The following RNF2 variants were observed in gnomAD, a reference collection of about 807,000 sequenced individuals.
The protein encoded by RNF2 is E3 ubiquitin-protein ligase RING2.
In RNF2, 6 loss-of-function variants were observed where a neutral mutation model predicts 37.2. That is an observed-to-expected ratio of 0.16 (90% CI 0.09 to 0.32). The LOEUF (loss-of-function observed/expected upper bound fraction) is 0.32. RNF2 is among the 10% of genes least tolerant of loss of function. RNF2 has a pLI of 1.00. For synonymous variants in RNF2, 133 were observed against 132.7 expected, an observed-to-expected ratio of 1.00 and a Z score of -0.02; for missense variants, 251 against 404.0, an observed-to-expected ratio of 0.62 and a Z score of 3.25.
intron 1 of RNF2, among the ~76,000 whole-genome samples, chr1:185,063,030 T>C (rs1650659676): frequency 6.6e-6 from 1 of 152,228 alleles, no homozygotes; most frequent in Non-Finnish European, 1.5e-5. Flanking sequence ...TACTTGCCCT[T>C]TGATCCAGTA....
intron 1 of RNF2, among the ~76,000 whole-genome samples, chr1:185,076,187 G>A (rs1283307511): frequency 1.2e-4 from 17 of 147,792 alleles, no homozygotes; most frequent in African/African-American, 3.0e-4. Flanking sequence ...TTTGTGAGGC[G>A]AAATATGAAC....
At position 185,087,418 on chromosome 1, in the gene RNF2, A is replaced by G. The variant is rs535755130; in HGVS notation, c.-2-134A>G. 3.6e-3 allele frequency: 2,518 copies of G among 694,338 alleles called. 15 individuals carry two copies. The highest frequency in any genetic ancestry group is 3.6e-3 in the Non-Finnish European group (1,427 of 397,382). 43.0% of individuals were successfully genotyped at this position (694,338 alleles called of 1,614,324 possible). A position where few individuals can be genotyped will look rare whatever the true frequency, so the allele number is the denominator to read the frequency against. On this transcript the variant is annotated intron_variant, in intron 1 of 6. Coordinates refer to ENST00000367510, the MANE Select transcript of RNF2 (RefSeq NM_007212.4). ...AGCCCTCATAACCTGATCACCTCCC[A>G]AAGTCCCCACCTCTTAATATTACTT...
At chr1:185,056,128 T>C (rs1049557826) in intron 1 of RNF2, among the ~76,000 whole-genome samples, 1 of 152,238 alleles carries the variant, frequency 6.6e-6, no homozygotes, top group Admixed American at 6.5e-5. Flanking sequence ...TTTGTTAGTC[T>C]TCTGAAATAT....
chr1:185,065,146 G>GGATTGTAAATTTACCA (rs951967266), intron 1 of RNF2, among the ~76,000 whole-genome samples: 1 of 152,066 alleles, frequency 6.6e-6, no homozygotes, highest in African/African-American at 2.4e-5. Context: ...TCTAGCTAAA[G>GGATTGTAAATTTACCA]GATTGTAAAT....
intron 1 of RNF2, among the ~76,000 whole-genome samples, chr1:185,079,081 T>TTC: frequency 6.7e-6 from 1 of 149,516 alleles, no homozygotes; most frequent in East Asian, 1.9e-4. Flanking sequence ...GATCTTTTCT[T>TTC]TTTTTTTTTT....
At chr1:185,079,236 T>C (rs1043882346) in intron 1 of RNF2, among the ~76,000 whole-genome samples, 1 of 152,200 alleles carries the variant, frequency 6.6e-6, no homozygotes, top group Admixed American at 6.5e-5. Flanking sequence ...TATCTTTTTT[T>C]CAGAAGTATA....
At chr1:185,085,714 C>T (rs754554977) in intron 1 of RNF2, among the ~76,000 whole-genome samples, 4 of 151,686 alleles carry the variant, frequency 2.6e-5, no homozygotes, top group Non-Finnish European at 4.4e-5. Flanking sequence ...AGTGCAATGG[C>T]GCGATCTCAG....
intron 1 of RNF2, among the ~76,000 whole-genome samples, chr1:185,070,621 C>T (rs1051023068): frequency 2.0e-5 from 3 of 150,674 alleles, no homozygotes; most frequent in South Asian, 4.2e-4. Context: ...CTTCTGTAGA[C>T]TGCAGTATTT....
chr1:185,087,645 T>C lies in RNF2; in HGVS notation c.87+5T>C. ...GAGTTACAACGAACACCTCAGGTAA[T>C]GACTAAGATGACTGCCAAGGGGCAT... On this transcript the variant is annotated splice_donor_5th_base_variant and intron_variant, in intron 2 of 6. Coordinates refer to ENST00000367510, the MANE Select transcript of RNF2 (RefSeq NM_007212.4). 6.2e-7 allele frequency: 1 copy of C among 1,604,914 alleles called. No individual in the cohort carries two copies. The highest frequency in any genetic ancestry group is 8.5e-7 in the Non-Finnish European group (1 of 1,171,698).
intron 1 of RNF2, among the ~76,000 whole-genome samples, chr1:185,082,259 A>G (rs1326448309): frequency 1.3e-5 from 2 of 150,358 alleles, no homozygotes; most frequent in Non-Finnish European, 2.9e-5. Flanking sequence ...ATCAGCTTCT[A>G]TGATTGTCCT....
At chr1:185,058,022 G>A (rs1316951819) in intron 1 of RNF2, among the ~76,000 whole-genome samples, 2 of 152,138 alleles carry the variant, frequency 1.3e-5, no homozygotes, top group Non-Finnish European at 2.9e-5. Flanking sequence ...TTACTCAGGA[G>A]GTTGAGGTGG....
At chr1:185,049,758 C>T (rs544560687) in intron 1 of RNF2, among the ~76,000 whole-genome samples, 1 of 151,938 alleles carries the variant, frequency 6.6e-6, no homozygotes, top group East Asian at 1.9e-4. Context: ...CGGTGCTGGA[C>T]TTTTGAGTAG....
intron 1 of RNF2, among the ~76,000 whole-genome samples, chr1:185,062,946 T>A (rs766304761): frequency 2.0e-5 from 3 of 152,222 alleles, no homozygotes; most frequent in Non-Finnish European, 2.9e-5. Flanking sequence ...TTTAAAAAAA[T>A]GTTGCTCTTC....
At chr1:185,070,638 CTT>C (rs893631238) in intron 1 of RNF2, among the ~76,000 whole-genome samples, 10 of 129,698 alleles carry the variant, frequency 7.7e-5, no homozygotes, top group Admixed American at 1.5e-4. Context: ...ATTTTCTTTT[CTT>C]TTTTTTTTTT....
At chr1:185,084,505 CCTT>C (rs1400751029) in intron 1 of RNF2, among the ~76,000 whole-genome samples, 1 of 152,144 alleles carries the variant, frequency 6.6e-6, no homozygotes, top group Non-Finnish European at 1.5e-5. Context: ...TTTGTTTCCC[CCTT>C]CTTACTTTTG....
intron 1 of RNF2, among the ~76,000 whole-genome samples, chr1:185,079,079 C>CTTTT (rs58085875): frequency 7.7e-6 from 1 of 130,380 alleles, no homozygotes; most frequent in Non-Finnish European, 1.7e-5. Context: ...TAGATCTTTT[C>CTTTT]TTTTTTTTTT....
intron 1 of RNF2, 73 bp from the exon 2 acceptor site, chr1:185,087,479 G>A: frequency 1.6e-6 from 2 of 1,242,426 alleles, no homozygotes; most frequent in Non-Finnish European, 2.4e-6. Flanking sequence ...AATTTTGGTG[G>A]GACACATACA....
chr1:185,098,850 C>T (rs1306804960), intron 5 of RNF2, among the ~76,000 whole-genome samples: 1 of 151,556 alleles, frequency 6.6e-6, no homozygotes, highest in Non-Finnish European at 1.5e-5. Context: ...CTCCTGGGTT[C>T]AAGCGATTCT....
chr1:185,074,365 G>C (rs1365258462), intron 1 of RNF2, among the ~76,000 whole-genome samples: 1 of 152,052 alleles, frequency 6.6e-6, no homozygotes, highest in Non-Finnish European at 1.5e-5. Context: ...GGGACTGTAG[G>C]GGTAGGATGG....
Sources: allele counts gnomAD v4.1 joint callset (sites outside exome capture counted in the v4.1 genomes callset), GRCh38; gene constraint gnomAD v4.1.1; transcripts MANE v1.5; gene names NCBI Gene and HGNC (gene_info 2026-07-23, HGNC 2026-07-21).